The following TLK1 variants were observed in gnomAD, a reference collection of about 807,000 sequenced individuals.
TLK1 encodes tousled like kinase 1.
Under a neutral mutation model 105.3 loss-of-function variants are expected in TLK1, and 24 were observed. The observed-to-expected ratio is 0.23, with a 90% CI of 0.17 to 0.32. The LOEUF (loss-of-function observed/expected upper bound fraction) is 0.32. Ranked by LOEUF, TLK1 falls within the 10% of genes least tolerant of loss-of-function variation. The pLI is 1.00. For synonymous variants in TLK1, 321 were observed against 310.4 expected (o/e 1.03, Z -0.36); for missense variants, 558 against 910.5 (o/e 0.61, Z 4.98).
chr2:171,101,210 G>T (rs1241217980), intron 2 of TLK1, among the ~76,000 whole-genome samples: 1 of 152,002 alleles, frequency 6.6e-6, no homozygotes, highest in Non-Finnish European at 1.5e-5. Flanking sequence ...GCCAGAAGTG[G>T]TGGTACGTGC....
intron 2 of TLK1, among the ~76,000 whole-genome samples, chr2:171,113,525 G>A (rs904155010): frequency 3.3e-5 from 5 of 151,932 alleles, no homozygotes; most frequent in South Asian, 4.2e-4. Flanking sequence ...CACCAGCCTC[G>A]GCCTCCCAAA....
intron 1 of TLK1, among the ~76,000 whole-genome samples, chr2:171,152,115 C>A (rs1386141724): frequency 6.6e-6 from 1 of 152,094 alleles, no homozygotes; most frequent in African/African-American, 2.4e-5. Context: ...ATATTAACAG[C>A]AAGAATTTAA....
chr2:171,069,602 C>T (rs1688159893), intron 3 of TLK1, among the ~76,000 whole-genome samples: 2 of 152,060 alleles, frequency 1.3e-5, no homozygotes, highest in Admixed American at 6.6e-5. Context: ...TTATCCAGTG[C>T]AAAACGTCAA....
intron 2 of TLK1, among the ~76,000 whole-genome samples, chr2:171,092,291 C>T (rs577701234): frequency 2.0e-4 from 31 of 152,194 alleles, no homozygotes; most frequent in South Asian, 6.2e-4. Flanking sequence ...AAGTAGAAAA[C>T]GAAGTCAAAT....
chr2:171,024,655 T>C (rs1026287942), intron 12 of TLK1, among the ~76,000 whole-genome samples: 1 of 152,162 alleles, frequency 6.6e-6, no homozygotes, highest in African/African-American at 2.4e-5. Flanking sequence ...GGTACAGTCA[T>C]TGAAATAGGA....
chr2:171,152,091 T>TC (rs1692064814), intron 1 of TLK1, among the ~76,000 whole-genome samples: 2 of 152,158 alleles, frequency 1.3e-5, no homozygotes, highest in Non-Finnish European at 2.9e-5. Flanking sequence ...AATCATGAAG[T>TC]CACACAACTT....
chr2:171,002,165 T>C (rs1352474281), intron 18 of TLK1, among the ~76,000 whole-genome samples: 3 of 152,224 alleles, frequency 2.0e-5, no homozygotes, highest in Admixed American at 1.3e-4. Context: ...CCAACCCTTT[T>C]TCTAAAATTA....
At chr2:171,036,005 T>G (rs1457706039) in intron 11 of TLK1, among the ~76,000 whole-genome samples, 2 of 152,238 alleles carry the variant, frequency 1.3e-5, no homozygotes, top group Non-Finnish European at 2.9e-5. Context: ...TGGTTAAAGC[T>G]AGGTTTGTGT....
intron 1 of TLK1, among the ~76,000 whole-genome samples, chr2:171,123,369 G>A (rs1223676757): frequency 1.6e-5 from 2 of 122,316 alleles, no homozygotes; most frequent in Non-Finnish European, 1.7e-5. Flanking sequence ...GCTAATTTTT[G>A]TAATTTTTTT....
chr2:171,155,073 T>C (rs1337206966), intron 1 of TLK1, among the ~76,000 whole-genome samples: 1 of 152,220 alleles, frequency 6.6e-6, no homozygotes, highest in Non-Finnish European at 1.5e-5. Context: ...TTATACTTAA[T>C]ATGCATTTTA....
At chr2:171,067,017 G>A in intron 3 of TLK1, 1 of 1,493,358 alleles carries the variant, frequency 6.7e-7, no homozygotes, top group South Asian at 1.4e-5. Flanking sequence ...GACCCATTGT[G>A]ACACTCACAA....
intron 18 of TLK1, among the ~76,000 whole-genome samples, chr2:170,999,326 G>A (rs531655584): frequency 6.6e-6 from 1 of 152,286 alleles, no homozygotes; most frequent in Non-Finnish European, 1.5e-5. Context: ...CTTCCGTGAA[G>A]TAAAACCAGC....
At position 171,125,523 on chromosome 2, in the gene TLK1, C is replaced by CAAAAAAAA. The variant is rs574421748; in HGVS notation, c.140-7667_140-7666insTTTTTTTT. Among the ~76,000 whole-genome samples the CAAAAAAAA allele has an allele frequency of 3.2e-3, 486 of 152,190 alleles. 4 individuals carry two copies. The highest frequency in any genetic ancestry group is 3.5e-3 in the Non-Finnish European group (239 of 68,012). ...GCAATCTGGTCACAGATGTGGCACT[C>CAAAAAAAA]AAAACACCGTCAAGCAATAATGGCA... On this transcript the variant is annotated intron_variant, in intron 1 of 20. Coordinates refer to ENST00000431350, the MANE Select transcript of TLK1 (RefSeq NM_012290.5).
intron 3 of TLK1, among the ~76,000 whole-genome samples, chr2:171,062,777 C>T (rs1687816185): frequency 6.6e-6 from 1 of 152,146 alleles, no homozygotes. Flanking sequence ...ATCTACTATA[C>T]AAAAATATTT....
chr2:171,075,596 C>T (rs141918164), intron 3 of TLK1, among the ~76,000 whole-genome samples: 31 of 152,048 alleles, frequency 2.0e-4, no homozygotes, highest in Middle Eastern at 3.4e-3. Context: ...TATAAGCACA[C>T]GTATAAACAG....
Position 171,160,542 on chromosome 2 carries a change from G to A in TLK1, c.-114C>T, listed in dbSNP as rs1298019334. 3.2e-6 allele frequency: 5 copies of A among 1,543,118 alleles called. No individual in the cohort carries two copies. Among genetic ancestry groups the A allele is most frequent in the African/African-American group, 2.9e-5 (2 of 69,840 alleles). On this transcript the variant is annotated 5_prime_UTR_variant, in exon 1 of 21. Transcript: ENST00000431350. The surrounding 1 kb of genome is among the most constrained non-coding windows in gnomAD (Gnocchi z 4.4). ...CGCTGAGGGCGAGCGAGAGAGCGAG[G>A]GCTGGGAGGGGAGAGTCAAGGGGAT...
At position 171,210,169 on chromosome 2, in the gene TLK1, T is replaced by C. The variant is rs1282026920; in HGVS notation, c.-6+20976A>G. Among the ~76,000 whole-genome samples, 2 of 152,188 alleles carry C rather than the reference T, an allele frequency of 1.3e-5. 1 individual carries two copies. Among genetic ancestry groups the C allele is most frequent in the Non-Finnish European group, 2.9e-5 (2 of 68,032 alleles). ...AGCCAAGCAACTGATTATTTTTAGA[T>C]GAATAGAGCTGAACTGGAATGTGGC... is the stretch of plus-strand genomic sequence containing the variant. On this transcript the variant is annotated intron_variant, in intron 1 of 20. Coordinates refer to the TLK1 transcript ENST00000521943.
At chr2:171,126,027 T>C (rs1358580259) in intron 1 of TLK1, among the ~76,000 whole-genome samples, 2 of 152,184 alleles carry the variant, frequency 1.3e-5, no homozygotes, top group Non-Finnish European at 2.9e-5. Flanking sequence ...AATTCTTTAT[T>C]ACAATAAATG....
intron 1 of TLK1, among the ~76,000 whole-genome samples, chr2:171,137,979 T>C (rs1247387687): frequency 6.6e-6 from 1 of 152,166 alleles, no homozygotes; most frequent in African/African-American, 2.4e-5. Flanking sequence ...TCTTCTCAAA[T>C]AACTGGACTG....
Sources: allele counts gnomAD v4.1 joint callset (sites outside exome capture counted in the v4.1 genomes callset), GRCh38; gene constraint gnomAD v4.1.1; non-coding constraint Gnocchi (gnomAD v3.1); transcripts MANE v1.5; gene names NCBI Gene and HGNC (gene_info 2026-07-23, HGNC 2026-07-21).